The following GSDME variants were observed in gnomAD, a reference collection of about 807,000 sequenced individuals.
The protein encoded by GSDME is gasdermin E, also known as gasdermin-E.
GSDME carries 44 observed loss-of-function variants against 47.5 expected under a neutral mutation model. The ratio of observed to expected loss-of-function variants is 0.93; its 90% confidence interval spans 0.73 to 1.19. The LOEUF (loss-of-function observed/expected upper bound fraction) is 1.19. GSDME is among the 50% of genes most tolerant of loss of function. GSDME has a pLI of 0.00. For missense variants in GSDME, 663 were observed against 604.2 expected, an observed-to-expected ratio of 1.10 and a Z score of -1.02; for synonymous variants, 258 against 252.8, an observed-to-expected ratio of 1.02 and a Z score of -0.20.
intron 7 of GSDME, among the ~76,000 whole-genome samples, chr7:24,707,112 T>C (rs1213218533): frequency 1.3e-5 from 2 of 152,232 alleles, no homozygotes; most frequent in Non-Finnish European, 2.9e-5. Context: ...GCTGTGGGAC[T>C]GTTTCAATAA....
intron 9 of GSDME, 116 bp from the exon 10 acceptor site, chr7:24,699,375 C>T: frequency 1.3e-6 from 1 of 748,444 alleles, no homozygotes; most frequent in Non-Finnish European, 2.4e-6. Flanking sequence ...TGGAGTCTTG[C>T]TCTGTCGTCC....
chr7:24,712,189 A>G lies in GSDME; in HGVS notation c.698-1801T>C, dbSNP rs1226042251. On this transcript the variant is annotated intron_variant, in intron 5 of 9. Coordinates refer to ENST00000645220, the MANE Select transcript of GSDME (RefSeq NM_001127453.2). This position sits in a 1 kb window ranked among gnomAD's most constrained non-coding sequence, Gnocchi z 4.4. ...TCCCTGGGCTTTACCCACCTGGCCC[A>G]CACCAGCATTCAGGCTGACCCTACT... 6.6e-6 allele frequency among the ~76,000 whole-genome samples: 1 copy of G among 152,236 alleles called. No homozygotes were observed. Among genetic ancestry groups the G allele is most frequent in the Non-Finnish European group, 1.5e-5 (1 of 68,048 alleles).
At position 24,735,226 on chromosome 7, in the gene GSDME, T is replaced by C. The variant is rs1008857147; in HGVS notation, c.404+9336A>G. 3.3e-5 allele frequency among the ~76,000 whole-genome samples: 5 copies of C among 152,068 alleles called. No homozygotes were observed. The highest frequency in any genetic ancestry group is 1.2e-4 in the African/African-American group (5 of 41,378). ...ATCCTTCAAACATGAAGGAGAAACA[T>C]AGACTTTCTCAAAGAAAAGCTGAAG... is the stretch of plus-strand genomic sequence containing the variant. On this transcript the variant is annotated intron_variant, in intron 3 of 9. Coordinates refer to ENST00000645220, the MANE Select transcript of GSDME (RefSeq NM_001127453.2). The surrounding 1 kb of genome is among the most constrained non-coding windows in gnomAD (Gnocchi z 4.4).
At chr7:24,782,691 A>G in the GSDME span, among the ~76,000 whole-genome samples, 4 of 152,270 alleles carry the variant, frequency 2.6e-5, no homozygotes, top group Admixed American at 2.6e-4. Context: ...CAACAGTGTA[A>G]AACTGTTCCT....
the GSDME span, among the ~76,000 whole-genome samples, chr7:24,781,613 C>T: frequency 3.9e-5 from 6 of 152,092 alleles, no homozygotes; most frequent in Non-Finnish European, 8.8e-5. Context: ...TATTAAGAAC[C>T]CCAAAGAGCG....
intron 4 of GSDME, 103 bp from the exon 5 acceptor site, chr7:24,717,477 G>A (rs575981087): frequency 1.9e-6 from 3 of 1,557,666 alleles, no homozygotes; most frequent in South Asian, 2.3e-5. Context: ...GAGATGCTGA[G>A]CAATGTCCAC....
intron 3 of GSDME, among the ~76,000 whole-genome samples, chr7:24,743,153 G>A (rs1432659367): frequency 6.6e-6 from 1 of 152,192 alleles, no homozygotes; most frequent in Non-Finnish European, 1.5e-5. Context: ...GACGGCAGCT[G>A]CCCAGGCACC....
the GSDME span, among the ~76,000 whole-genome samples, chr7:24,789,857 G>A: frequency 6.6e-6 from 1 of 152,158 alleles, no homozygotes; most frequent in South Asian, 2.1e-4. Flanking sequence ...CACTTGTGCT[G>A]AAGCATTTTG....
chr7:24,746,529 C>T (rs1293599296), intron 2 of GSDME, among the ~76,000 whole-genome samples: 3 of 152,192 alleles, frequency 2.0e-5, no homozygotes, highest in Non-Finnish European at 4.4e-5. Flanking sequence ...ACAGAAATAT[C>T]ATTTTCTAAT....
chr7:24,776,659 G>C, the GSDME span, among the ~76,000 whole-genome samples: 2 of 152,124 alleles, frequency 1.3e-5, no homozygotes, highest in African/African-American at 4.8e-5. Flanking sequence ...ACTTCCTGCA[G>C]CAGGTATAAG....
the GSDME span, among the ~76,000 whole-genome samples, chr7:24,776,338 G>C: frequency 6.6e-6 from 1 of 152,274 alleles, no homozygotes; most frequent in South Asian, 2.1e-4. Context: ...GATTGTGTCT[G>C]TCACCAGGAG....
At chr7:24,753,385 G>A (rs1423906927) in intron 1 of GSDME, among the ~76,000 whole-genome samples, 1 of 152,190 alleles carries the variant, frequency 6.6e-6, no homozygotes, top group African/African-American at 2.4e-5. Flanking sequence ...TTATGCAGAT[G>A]TATCATTGCG....
At chr7:24,794,745 C>CT in the GSDME span, among the ~76,000 whole-genome samples, 1 of 152,106 alleles carries the variant, frequency 6.6e-6, no homozygotes, top group Admixed American at 6.5e-5. Flanking sequence ...GGTAGGCTTA[C>CT]TTTGTGTTTT....
rs187325217 is a variant in GSDME, at chr7:24,744,286, G to A, written c.404+276C>T. ...GCAGGACAGAGCATTTTTACCGTTC[G>A]CATTTTATAAATCATGTGATTGAAG... On this transcript the variant is annotated intron_variant, in intron 3 of 9. Transcript: ENST00000645220. This position sits in a 1 kb window ranked among gnomAD's most constrained non-coding sequence, Gnocchi z 4.5. The A allele has an allele frequency of 5.9e-4, 274 of 466,934 alleles. 4 individuals carry two copies. Among genetic ancestry groups the A allele is most frequent in the Admixed American group, 4.1e-3 (119 of 29,246 alleles). 28.9% of individuals were successfully genotyped at this position (466,934 alleles called of 1,614,324 possible).
In GSDME at chr7:24,705,115, G is replaced by C. The variant is rs1311652854; in HGVS notation, c.1183+1069C>G. On this transcript the variant is annotated intron_variant, in intron 8 of 9. Coordinates refer to ENST00000645220, the MANE Select transcript of GSDME (RefSeq NM_001127453.2). This position sits in a 1 kb window ranked among gnomAD's most constrained non-coding sequence, Gnocchi z 4.1. ...GCTATTGATAGAAATGCTGCAATAA[G>C]TAATGGGGTATATGAAGAAAAGACC... is the stretch of plus-strand genomic sequence containing the variant. The C allele has an allele frequency of 1.3e-5, 2 of 152,188 alleles. No homozygotes were observed. The highest frequency in any genetic ancestry group is 2.9e-5 in the Non-Finnish European group (2 of 68,064). The allele number at this position is 152,188 out of a possible 1,614,324, so 9.4% of individuals were successfully genotyped here.
chr7:24,737,441 G>A (rs745573065), intron 3 of GSDME, among the ~76,000 whole-genome samples: 4 of 151,400 alleles, frequency 2.6e-5, no homozygotes, highest in South Asian at 2.1e-4. Context: ...AGATTGAACC[G>A]TGAAGAAATG....
chr7:24,794,299 C>CTCT, the GSDME span, among the ~76,000 whole-genome samples: 2 of 148,338 alleles, frequency 1.3e-5, no homozygotes, highest in African/African-American at 2.5e-5. Context: ...CTCTTTCTCT[C>CTCT]CTCTCTCTCT....
chr7:24,777,700 G>C, the GSDME span, among the ~76,000 whole-genome samples: 1 of 152,084 alleles, frequency 6.6e-6, no homozygotes, highest in African/African-American at 2.4e-5. Context: ...AAATCCTAAT[G>C]TCCTGTAGTT....
rs112622634 is a variant in GSDME, at chr7:24,752,515, A to G, written c.-19-2722T>C. ...ACTATGTCAGTGGCATAAGGATAGA[A>G]AAGACACTCGCTTGGTGAAGGGTGG... On this transcript the variant is annotated intron_variant, in intron 1 of 9. Coordinates refer to ENST00000645220, the MANE Select transcript of GSDME (RefSeq NM_001127453.2). Among the ~76,000 whole-genome samples, 1,024 of 152,346 alleles carry G rather than the reference A, an allele frequency of 6.7e-3. 11 individuals are homozygous for G. Among genetic ancestry groups the G allele is most frequent in the African/African-American group, 0.024 (980 of 41,580 alleles).
Sources: gnomAD v4.1 joint callset for allele counts (sites outside exome capture counted in the v4.1 genomes callset) on GRCh38, gnomAD v4.1.1 for gene constraint, Gnocchi (gnomAD v3.1) non-coding constraint, MANE v1.5 for transcripts, NCBI Gene and HGNC (gene_info 2026-07-23, HGNC 2026-07-21) for gene names.